Variants in RAB20 observed in about 807,000 individuals in gnomAD.
RAB20 encodes RAB20, member RAS oncogene family.
A neutral mutation model predicts 3.7 loss-of-function variants in RAB20; 2 were observed. The ratio of observed to expected loss-of-function variants is 0.54; its 90% CI spans 0.22 to 1.69. The LOEUF is 1.69. Among genes scored for constraint, RAB20 ranks in the 40% most tolerant of loss-of-function variants. The pLI is 0.19. For synonymous variants in RAB20, 126 were observed against 130.8 expected (o/e 0.96, Z 0.25); for missense variants, 276 against 311.9 (o/e 0.88, Z 0.87).
chr13:110,529,011 AAG>A (rs1884480378), intron 1 of RAB20, among the ~76,000 whole-genome samples: 1 of 152,232 alleles, frequency 6.6e-6, no homozygotes, highest in African/African-American at 2.4e-5. Context: ...TTGCTAATGG[AAG>A]AGTCAGGCTG....
intron 1 of RAB20, among the ~76,000 whole-genome samples, chr13:110,560,196 A>C (rs1885106201): frequency 6.6e-6 from 1 of 152,182 alleles, no homozygotes; most frequent in Non-Finnish European, 1.5e-5. Context: ...CAGAAGACAG[A>C]GTTGGAGCAA....
At chr13:110,554,955 G>C (rs1256318775) in intron 1 of RAB20, among the ~76,000 whole-genome samples, 1 of 149,442 alleles carries the variant, frequency 6.7e-6, no homozygotes. Context: ...GGTTCCCAAG[G>C]GCAGGAAGAC....
Position 110,555,592 on chromosome 13 carries a change from T to A in RAB20, c.172+5756A>T, listed in dbSNP as rs1437216092. On this transcript the variant is annotated intron_variant, in intron 1 of 1. Coordinates refer to ENST00000267328, the MANE Select transcript of RAB20 (RefSeq NM_017817.3). The surrounding 1 kb of genome is among the most constrained non-coding windows in gnomAD (Gnocchi z 4.0). The stretch of plus-strand genomic sequence containing the variant: ...CTCATGCCAAAGCTCAGACTTCTAG[T>A]TGAGACAGACAGAGGAACTGTTTCC... Among the ~76,000 whole-genome samples the A allele has an allele frequency of 6.6e-6, 1 of 152,176 alleles. No individual in the cohort carries two copies. The highest frequency in any genetic ancestry group is 1.5e-5 in the Non-Finnish European group (1 of 68,032).
At chr13:110,547,460 G>C (rs1264044095) in intron 1 of RAB20, among the ~76,000 whole-genome samples, 1 of 152,198 alleles carries the variant, frequency 6.6e-6, no homozygotes, top group Admixed American at 6.5e-5. Flanking sequence ...CTAGTTCACA[G>C]GCACCCCATG....
At chr13:110,551,019 G>A (rs763800335) in intron 1 of RAB20, among the ~76,000 whole-genome samples, 3 of 152,132 alleles carry the variant, frequency 2.0e-5, no homozygotes, top group Non-Finnish European at 4.4e-5. Context: ...ATCATTCAGG[G>A]TCAATACATC....
chr13:110,527,853 G>A (rs1884456447), intron 1 of RAB20, among the ~76,000 whole-genome samples: 1 of 151,808 alleles, frequency 6.6e-6, no homozygotes, highest in South Asian at 2.1e-4. Context: ...GAGGCCAGGA[G>A]TTGGAGCCCA....
intron 1 of RAB20, among the ~76,000 whole-genome samples, chr13:110,529,494 C>T (rs1884492913): frequency 6.6e-6 from 1 of 152,196 alleles, no homozygotes; most frequent in East Asian, 1.9e-4. Context: ...GGTGGTTTAC[C>T]TGGACTTTCC....
intron 1 of RAB20, among the ~76,000 whole-genome samples, chr13:110,544,402 CA>C (rs1249335800): frequency 8.5e-5 from 13 of 152,106 alleles, no homozygotes; most frequent in African/African-American, 3.1e-4. Flanking sequence ...TGTGGTTCCA[CA>C]TAAATTTTAG....
chr13:110,528,379 G>A (rs1206741215), intron 1 of RAB20, among the ~76,000 whole-genome samples: 54 of 139,180 alleles, frequency 3.9e-4, no homozygotes, highest in African/African-American at 1.4e-3. Context: ...TAGCGCCACT[G>A]CACTCCAGCC....
chr13:110,558,278 C>G (rs184138508), intron 1 of RAB20, among the ~76,000 whole-genome samples: 306 of 152,162 alleles, frequency 2.0e-3, no homozygotes, highest in African/African-American at 7.2e-3. Context: ...TAGACAAGGG[C>G]TGGGAGTGGC....
chr13:110,541,735 C>T (rs527365771), intron 1 of RAB20, among the ~76,000 whole-genome samples: 5 of 152,072 alleles, frequency 3.3e-5, no homozygotes, highest in African/African-American at 9.6e-5. Context: ...ATCCCTTTAA[C>T]CAAATCAGTG....
Position 110,561,581 on chromosome 13 carries a change from C to G in RAB20, c.-62G>C, listed in dbSNP as rs1885136519. 3 of 1,499,106 alleles carry G rather than the reference C, an allele frequency of 2.0e-6. No homozygotes were observed. The highest frequency in any genetic ancestry group is 5.1e-5 in the East Asian group (2 of 39,546). 92.9% of individuals were successfully genotyped at this position (1,499,106 alleles called of 1,614,324 possible). A position where few individuals can be genotyped will look rare whatever the true frequency, so the allele number is the denominator to read the frequency against. ...CCCCGAGGCTGGCCGGCTCGTGCGC[C>G]CTGGGCGCAGCTGGAGGAGCGGACC... On this transcript the variant is annotated 5_prime_UTR_variant, in exon 1 of 2. Transcript: ENST00000267328.
chr13:110,543,935 C>T (rs1419617187), intron 1 of RAB20, among the ~76,000 whole-genome samples: 4 of 151,944 alleles, frequency 2.6e-5, no homozygotes, highest in African/African-American at 2.4e-5. Context: ...CCACCACACC[C>T]GGCCAATTTT....
At chr13:110,547,859 A>G (rs1238847884) in intron 1 of RAB20, among the ~76,000 whole-genome samples, 2 of 152,218 alleles carry the variant, frequency 1.3e-5, no homozygotes, top group African/African-American at 2.4e-5. Context: ...CCACAAGCTA[A>G]TGCTAATCAG....
At chr13:110,545,822 A>T (rs1372374023) in intron 1 of RAB20, among the ~76,000 whole-genome samples, 11 of 152,156 alleles carry the variant, frequency 7.2e-5, no homozygotes. Flanking sequence ...AATGTTAAGG[A>T]CCTCTTTACA....
chr13:110,548,508 A>C (rs1271853980), intron 1 of RAB20, among the ~76,000 whole-genome samples: 1 of 141,356 alleles, frequency 7.1e-6, no homozygotes, highest in Non-Finnish European at 1.5e-5. Flanking sequence ...ACAAAAAAAA[A>C]CTCTTGTCAT....
intron 1 of RAB20, among the ~76,000 whole-genome samples, chr13:110,525,673 C>T (rs569587006): frequency 3.9e-5 from 6 of 152,238 alleles, no homozygotes; most frequent in East Asian, 1.9e-4. Flanking sequence ...GTGCAGTGCA[C>T]GCAGCAGGTG....
intron 1 of RAB20, among the ~76,000 whole-genome samples, chr13:110,535,795 C>T (rs893912416): frequency 1.2e-4 from 19 of 152,266 alleles, no homozygotes; most frequent in Non-Finnish European, 1.8e-4. Context: ...CCCAAAGCTC[C>T]GGCCGCGCAA....
chr13:110,532,752 C>T (rs1010289313), intron 1 of RAB20, among the ~76,000 whole-genome samples: 1 of 152,210 alleles, frequency 6.6e-6, no homozygotes, highest in African/African-American at 2.4e-5. Context: ...GATCATGGCT[C>T]AATGCAGCCT....
Sources: gnomAD v4.1 joint callset for allele counts (sites outside exome capture counted in the v4.1 genomes callset) on GRCh38, gnomAD v4.1.1 for gene constraint, Gnocchi (gnomAD v3.1) non-coding constraint, MANE v1.5 for transcripts, NCBI Gene and HGNC (gene_info 2026-07-23, HGNC 2026-07-21) for gene names.